Variants in KCNMA1 observed in about 807,000 individuals in gnomAD.
KCNMA1 encodes potassium calcium-activated channel subfamily M alpha 1, also known as Calcium-activated potassium channel subunit alpha-1.
Under a neutral mutation model 140.0 loss-of-function variants are expected in KCNMA1, and 29 were observed. That is an observed-to-expected ratio of 0.21 (90% confidence interval 0.15 to 0.28). The LOEUF (loss-of-function observed/expected upper bound fraction) is 0.28, where lower values mean the gene tolerates loss of function less well. KCNMA1 is among the 10% of genes least tolerant of loss of function. The pLI is 1.00. For synonymous variants in KCNMA1, 612 were observed against 611.9 expected (o/e 1.00, Z 0.00); for missense variants, 880 against 1,602.2 (o/e 0.55, Z 7.70).
At chr10:77,442,102 TC>T (rs1202453709) in intron 1 of KCNMA1, among the ~76,000 whole-genome samples, 4 of 152,098 alleles carry the variant, frequency 2.6e-5, no homozygotes, top group African/African-American at 9.7e-5. Context: ...ACTCGAAAGG[TC>T]CGTTTGCTTT....
At chr10:77,273,339 C>G (rs959724433) in intron 2 of KCNMA1, among the ~76,000 whole-genome samples, 11 of 151,994 alleles carry the variant, frequency 7.2e-5, no homozygotes, top group African/African-American at 2.7e-4. Flanking sequence ...ATTAAGCATA[C>G]AAACCAATCA....
chr10:77,211,165 C>A (rs1003689970), intron 3 of KCNMA1, among the ~76,000 whole-genome samples: 7 of 151,500 alleles, frequency 4.6e-5, no homozygotes, highest in African/African-American at 1.4e-4. Context: ...ATCAAACTAC[C>A]AACAAAGCTG....
At chr10:77,162,474 T>C (rs2098570575) in intron 5 of KCNMA1, among the ~76,000 whole-genome samples, 1 of 152,216 alleles carries the variant, frequency 6.6e-6, no homozygotes. Flanking sequence ...ATTTCTATTT[T>C]GATTAATATT....
intron 14 of KCNMA1, among the ~76,000 whole-genome samples, chr10:77,041,553 G>T (rs1043712690): frequency 6.6e-6 from 1 of 152,082 alleles, no homozygotes; most frequent in East Asian, 1.9e-4. Context: ...TGCCTGCCTC[G>T]GCCTCCCAAA....
chr10:77,177,715 A>T (rs1396071524), intron 5 of KCNMA1, among the ~76,000 whole-genome samples: 2 of 152,030 alleles, frequency 1.3e-5, no homozygotes, highest in African/African-American at 4.8e-5. Flanking sequence ...GCCTCCACTG[A>T]GCCCCAGCCT....
intron 5 of KCNMA1, among the ~76,000 whole-genome samples, chr10:77,158,990 T>C (rs78360843): frequency 0.027 from 4,103 of 152,270 alleles, 194 homozygotes; most frequent in African/African-American, 0.092. Flanking sequence ...CTAAAGACAT[T>C]ATCCATTAAA....
intron 18 of KCNMA1, chr10:77,008,298 C>A: frequency 8.3e-7 from 1 of 1,207,618 alleles, no homozygotes; most frequent in Non-Finnish European, 1.2e-6. Context: ...AAGAAAATTC[C>A]TTCAAACACA....
intron 1 of KCNMA1, among the ~76,000 whole-genome samples, chr10:77,415,275 T>C (rs603674): frequency 0.46 from 69,481 of 152,198 alleles, 17,133 homozygotes; most frequent in South Asian, 0.56. Context: ...AATCTCCTTC[T>C]CTTTCAATTA....
chr10:77,328,438 A>G (rs1325887498), intron 2 of KCNMA1, among the ~76,000 whole-genome samples: 4 of 152,040 alleles, frequency 2.6e-5, no homozygotes, highest in Non-Finnish European at 5.9e-5. Context: ...AGCATCATCC[A>G]CTCTGATGTC....
intron 2 of KCNMA1, among the ~76,000 whole-genome samples, chr10:77,336,716 G>A (rs986089619): frequency 6.6e-6 from 1 of 152,216 alleles, no homozygotes; most frequent in Non-Finnish European, 1.5e-5. Flanking sequence ...TGAGTGATGG[G>A]AAGATTGAAT....
Position 77,355,539 on chromosome 10 carries a change from C to A in KCNMA1, c.540+48323G>T, listed in dbSNP as rs192066516. On this transcript the variant is annotated intron_variant, in intron 2 of 27. Transcript: ENST00000286628. Reference sequence around the variant, plus strand: ...TGGGCATGATGAAGGAAGCATCTAGCCCCAGGAGCTCCTTCAGTCATATTA... The same window carrying A: ...TGGGCATGATGAAGGAAGCATCTAGACCCAGGAGCTCCTTCAGTCATATTA... Among the ~76,000 whole-genome samples, 175 of 152,224 alleles carry A rather than the reference C, an allele frequency of 1.1e-3. 1 individual carries two copies. The highest frequency in any genetic ancestry group is 4.1e-3 in the African/African-American group (169 of 41,538).
intron 14 of KCNMA1, among the ~76,000 whole-genome samples, chr10:77,044,982 C>T (rs1481634758): frequency 6.6e-6 from 1 of 152,114 alleles, no homozygotes; most frequent in Non-Finnish European, 1.5e-5. Context: ...CTCAAAAGCC[C>T]AAACTCTGTA....
chr10:77,505,256 G>A (rs2154546312), intron 1 of KCNMA1, among the ~76,000 whole-genome samples: 1 of 152,360 alleles, frequency 6.6e-6, no homozygotes, highest in South Asian at 2.1e-4. Context: ...GCAAATAGCA[G>A]TGCGGGGTGA....
chr10:76,946,228 C>T lies in KCNMA1; in HGVS notation c.2710-1263G>A, dbSNP rs1456556383. Among the ~76,000 whole-genome samples, 5 of 152,262 alleles carry T rather than the reference C, an allele frequency of 3.3e-5. No individual in the cohort carries two copies. In the South Asian group the frequency reaches 1.0e-3, roughly 32 times the overall value. ...TGAAGCCACAGCAAAATCATCAGGC[C>T]ACCCCATGCCATAGCTCCCCAGTGG... On this transcript the variant is annotated intron_variant, in intron 22 of 27. Transcript: ENST00000286628.
chr10:76,874,397 G>A (rs924374015), downstream of KCNMA1: 2 of 152,144 alleles, frequency 1.3e-5, no homozygotes, highest in Admixed American at 6.5e-5. Context: ...CTTAGATCAC[G>A]TCCCCTGGGA....
At chr10:76,927,698 G>A (rs946774718) in intron 23 of KCNMA1, among the ~76,000 whole-genome samples, 2 of 152,064 alleles carry the variant, frequency 1.3e-5, no homozygotes, top group African/African-American at 4.8e-5. Flanking sequence ...TTACAACATT[G>A]CTGACACCAT....
intron 1 of KCNMA1, chr10:77,636,455 G>A: frequency 1.3e-6 from 2 of 1,536,202 alleles, no homozygotes; most frequent in Non-Finnish European, 1.7e-6. Flanking sequence ...GCGGCCTCAG[G>A]CGGACTCCCG....
At chr10:77,103,058 T>A (rs1595993636) in intron 9 of KCNMA1, among the ~76,000 whole-genome samples, 1 of 152,192 alleles carries the variant, frequency 6.6e-6, no homozygotes, top group Non-Finnish European at 1.5e-5. Flanking sequence ...GTGAGGCAGG[T>A]CACTAACTGT....
chr10:77,043,156 C>T (rs1452565737), intron 14 of KCNMA1, among the ~76,000 whole-genome samples: 1 of 151,920 alleles, frequency 6.6e-6, no homozygotes, highest in Non-Finnish European at 1.5e-5. Flanking sequence ...CTTGTGTAGA[C>T]CTGCGGATAG....
Sources: gnomAD v4.1 joint callset for allele counts (sites outside exome capture counted in the v4.1 genomes callset) on GRCh38, gnomAD v4.1.1 for gene constraint, MANE v1.5 for transcripts, NCBI Gene and HGNC (gene_info 2026-07-23, HGNC 2026-07-21) for gene names.